Variants in ARHGAP24 observed in about 807,000 individuals in gnomAD.
ARHGAP24 encodes the protein Rho GTPase activating protein 24, also known as rho GTPase-activating protein 24.
ARHGAP24 carries 50 observed loss-of-function variants against 76.4 expected under a neutral mutation model. The ratio of observed to expected loss-of-function variants is 0.65; its 90% CI spans 0.52 to 0.83. The LOEUF is 0.83. Among genes scored for constraint, ARHGAP24 ranks in the 40% least tolerant of loss-of-function variants. The probability of loss-of-function intolerance (pLI) is 0.00; values close to 1 mark genes in which losing one functional copy is unlikely to be tolerated. For missense variants in ARHGAP24, 930 were observed against 914.2 expected, an observed-to-expected ratio of 1.02 and a Z score of -0.22; for synonymous variants, 345 against 323.3, an observed-to-expected ratio of 1.07 and a Z score of -0.72.
intron 3 of ARHGAP24, among the ~76,000 whole-genome samples, chr4:85,922,201 T>C (rs1472004439): frequency 6.6e-6 from 1 of 152,240 alleles, no homozygotes; most frequent in Non-Finnish European, 1.5e-5. Context: ...TTCAACTGGT[T>C]GGCTTATAGT....
intron 2 of ARHGAP24, among the ~76,000 whole-genome samples, chr4:85,607,800 G>A (rs1720252440): frequency 7.2e-6 from 1 of 139,580 alleles, no homozygotes; most frequent in Non-Finnish European, 1.5e-5. Context: ...CCATAGCTAC[G>A]CCGTGCCAAC....
intron 3 of ARHGAP24, among the ~76,000 whole-genome samples, chr4:85,899,353 AT>A (rs1281589728): frequency 6.6e-6 from 1 of 152,206 alleles, no homozygotes; most frequent in African/African-American, 2.4e-5. Context: ...TAATCAGTAA[AT>A]GACTTTGTGC....
At chr4:85,479,757 A>T (rs921930871) in intron 1 of ARHGAP24, among the ~76,000 whole-genome samples, 4 of 152,206 alleles carry the variant, frequency 2.6e-5, no homozygotes, top group Non-Finnish European at 5.9e-5. Flanking sequence ...ATTTTTGCTA[A>T]TATGTAGAAA....
chr4:85,641,587 C>T (rs1346153296), intron 2 of ARHGAP24, among the ~76,000 whole-genome samples: 2 of 152,184 alleles, frequency 1.3e-5, no homozygotes, highest in Non-Finnish European at 2.9e-5. Flanking sequence ...TAGAATCATC[C>T]TGGATTAGGG....
chr4:85,483,266 C>T (rs1205804093), intron 1 of ARHGAP24, among the ~76,000 whole-genome samples: 1 of 151,726 alleles, frequency 6.6e-6, no homozygotes, highest in African/African-American at 2.4e-5. Context: ...GGCTTATGAC[C>T]AACATTTCTT....
At chr4:85,865,370 G>A (rs1732137572) in intron 3 of ARHGAP24, among the ~76,000 whole-genome samples, 1 of 150,690 alleles carries the variant, frequency 6.6e-6, no homozygotes, top group African/African-American at 2.4e-5. Context: ...TTAAAACTCA[G>A]AGAAACCTTT....
At chr4:85,761,656 A>C (rs963070057) in intron 3 of ARHGAP24, among the ~76,000 whole-genome samples, 4 of 152,224 alleles carry the variant, frequency 2.6e-5, no homozygotes, top group Admixed American at 2.0e-4. Context: ...GAATGAATGC[A>C]GTATGAGAAC....
intron 4 of ARHGAP24, chr4:85,930,158 G>C: frequency 1.3e-6 from 1 of 794,092 alleles, no homozygotes; most frequent in Non-Finnish European, 1.5e-6. Flanking sequence ...TTGAGAAAAG[G>C]GGAGACGGAG....
chr4:85,767,580 G>A (rs181658928), intron 3 of ARHGAP24, among the ~76,000 whole-genome samples: 24 of 152,222 alleles, frequency 1.6e-4, no homozygotes, highest in Non-Finnish European at 1.9e-4. Context: ...AAAGCAAACT[G>A]AGTACCTGGG....
chr4:85,779,000 A>G (rs756725677), intron 3 of ARHGAP24: 12 of 985,258 alleles, frequency 1.2e-5, no homozygotes, highest in Non-Finnish European at 1.3e-5. Context: ...TTCAGGGTTC[A>G]TTTGTTTTGG....
chr4:85,867,531 A>C (rs1000796498), intron 3 of ARHGAP24, among the ~76,000 whole-genome samples: 30 of 152,112 alleles, frequency 2.0e-4, no homozygotes, highest in Admixed American at 5.9e-4. Flanking sequence ...TTTTCTTTTT[A>C]TTTTTAGCTG....
intron 3 of ARHGAP24, among the ~76,000 whole-genome samples, chr4:85,819,547 G>A (rs566045080): frequency 2.6e-5 from 4 of 152,152 alleles, no homozygotes; most frequent in Admixed American, 1.3e-4. Flanking sequence ...AGAAAAATGA[G>A]TAAAAGAAAA....
chr4:85,557,068 G>T (rs1157743657), intron 1 of ARHGAP24, among the ~76,000 whole-genome samples: 1 of 152,280 alleles, frequency 6.6e-6, no homozygotes, highest in Middle Eastern at 3.4e-3. Context: ...CAGGAGGGTG[G>T]GTTGCAGAGA....
At chr4:85,488,598 T>A (rs1366221847) in intron 1 of ARHGAP24, among the ~76,000 whole-genome samples, 1 of 152,146 alleles carries the variant, frequency 6.6e-6, no homozygotes, top group East Asian at 1.9e-4. Context: ...CCAGGACACG[T>A]GAGGAACAAG....
chr4:85,765,013 G>C (rs1312151067), intron 3 of ARHGAP24, among the ~76,000 whole-genome samples: 1 of 152,058 alleles, frequency 6.6e-6, no homozygotes, highest in Non-Finnish European at 1.5e-5. Context: ...TATTAACTTT[G>C]AGGTTTGTCT....
At chr4:85,655,298 T>G (rs192603250) in intron 2 of ARHGAP24, among the ~76,000 whole-genome samples, 1 of 152,188 alleles carries the variant, frequency 6.6e-6, no homozygotes, top group Admixed American at 6.5e-5. Flanking sequence ...TTTAACTAGA[T>G]GTATTATGCA....
intron 2 of ARHGAP24, among the ~76,000 whole-genome samples, chr4:85,717,839 T>C (rs888786569): frequency 1.3e-5 from 2 of 152,154 alleles, no homozygotes; most frequent in Admixed American, 1.3e-4. Context: ...GTGTTATTCT[T>C]GTACTGAGAG....
In ARHGAP24 at chr4:85,683,250, A is replaced by C. The variant is rs114853955; in HGVS notation, c.181-38635A>C. ...GGAGCATGGTAGGGAAAGGGAATGT[A>C]TTATTTCCATTATCAACCTTTCCAT... On this transcript the variant is annotated intron_variant, in intron 2 of 9. Transcript: ENST00000395184. Among the ~76,000 whole-genome samples, 717 of 151,936 alleles carry C rather than the reference A, an allele frequency of 4.7e-3. 6 individuals are homozygous for C. Among genetic ancestry groups the C allele is most frequent in the African/African-American group, 0.016 (659 of 41,316 alleles).
chr4:85,767,743 A>T (rs1387897436), intron 3 of ARHGAP24, among the ~76,000 whole-genome samples: 9 of 152,218 alleles, frequency 5.9e-5, no homozygotes, highest in Non-Finnish European at 1.2e-4. Flanking sequence ...GTTAACAAGG[A>T]TCATGTATGA....
Sources: allele counts gnomAD v4.1 joint callset (sites outside exome capture counted in the v4.1 genomes callset), GRCh38; gene constraint gnomAD v4.1.1; transcripts MANE v1.5; gene names NCBI Gene and HGNC (gene_info 2026-07-23, HGNC 2026-07-21).